ZMYM3: variants seen among roughly 807,000 people sequenced by gnomAD.
ZMYM3 encodes the protein zinc finger MYM-type protein 3.
ZMYM3 carries 6 observed loss-of-function variants against 94.2 expected under a neutral mutation model. That is an observed-to-expected ratio of 0.06 (90% CI 0.03 to 0.13). ZMYM3 has a LOEUF of 0.13. Ranked by LOEUF, ZMYM3 falls within the 10% of genes least tolerant of loss-of-function variation. ZMYM3 has a pLI of 1.00. For missense variants in ZMYM3, 664 were observed against 1,132.6 expected (o/e 0.59, Z 5.94); for synonymous variants, 420 against 426.5 (o/e 0.98, Z 0.19).
intron 13 of ZMYM3, among the ~76,000 whole-genome samples, chrX:71,246,971 T>C (rs2030207458): frequency 9.0e-6 from 1 of 110,917 alleles, no homozygotes; most frequent in Non-Finnish European, 1.9e-5. Context: ...ATCCCTGGAG[T>C]TGTGGAGGGG....
rs1437335076 is a variant in ZMYM3, at chrX:71,244,318, A to T, written c.3264T>A (p.Asp1088Glu). 1 of 1,203,540 alleles carries T rather than the reference A, an allele frequency of 8.3e-7. No individual in the cohort carries two copies. The highest frequency in any genetic ancestry group is 1.1e-6 in the Non-Finnish European group (1 of 893,545). ...AGTACTTACGGCCAAAGCGCAGCTCATCACCCTTGCTGGTTTCTCCATTGG... is the reference window on the plus strand; with the variant it reads ...AGTACTTACGGCCAAAGCGCAGCTCTTCACCCTTGCTGGTTTCTCCATTGG... ...KYANGETSKG[D>E]ELRFGPKPMR... Residue 1088 changes from aspartate to glutamate, a missense_variant, in exon 20 of 25, where the codon GAT becomes GAA. Around this residue, in one of 9 missense-constraint regions of ZMYM3, gnomAD observed 75 missense variants for 152.5 expected, o/e 0.49. Transcript: ENST00000314425.
At position 71,245,651 on chromosome X, in the gene ZMYM3, C is replaced by A. The variant is rs1569223094; in HGVS notation, c.2860+17G>T. On this transcript the variant is annotated intron_variant, in intron 17 of 24. Coordinates refer to ENST00000314425, the MANE Select transcript of ZMYM3 (RefSeq NM_201599.3). ...GGTAGCACCCTGTCTCCCTCGTCGCCACCATCTATGGCATACCACAAAGGT... is the reference window on the plus strand; with the variant it reads ...GGTAGCACCCTGTCTCCCTCGTCGCAACCATCTATGGCATACCACAAAGGT... 1 of 1,206,369 alleles carries A rather than the reference C, an allele frequency of 8.3e-7. No homozygotes were observed. Among genetic ancestry groups the A allele is most frequent in the Admixed American group, 2.2e-5 (1 of 45,730 alleles).
intron 6 of ZMYM3, 77 bp from the exon 7 acceptor site, chrX:71,249,756 C>T: frequency 8.7e-7 from 1 of 1,148,799 alleles, no homozygotes; most frequent in Non-Finnish European, 1.2e-6. Flanking sequence ...AGCCCCCCAC[C>T]TCACCCTAGA....
In ZMYM3 at chrX:71,246,103, G is replaced by A. The variant is rs1156524730; in HGVS notation, c.2573-5C>T. 8.3e-7 allele frequency: 1 copy of A among 1,201,094 alleles called. No homozygotes were observed. The highest frequency in any genetic ancestry group is 1.8e-5 in the African/African-American group (1 of 56,809). On this transcript the variant is annotated splice_polypyrimidine_tract_variant and splice_region_variant and intron_variant, in intron 15 of 24. Coordinates refer to ENST00000314425, the MANE Select transcript of ZMYM3 (RefSeq NM_201599.3). ...TCACCTGTGGCTTCCACTCTTCTGT[G>A]GATAAGAAAGGGGTCTTCTCAGAGA...
At chrX:71,249,795 C>T in intron 6 of ZMYM3, 116 bp from the exon 7 acceptor site, 1 of 1,102,810 alleles carries the variant, frequency 9.1e-7, no homozygotes, top group Non-Finnish European at 1.2e-6. Context: ...GGCCCAGGGA[C>T]CCCCCAACCT....
At chrX:71,243,630 T>G in intron 21 of ZMYM3, 199 bp downstream of exon 21, 1 of 409,417 alleles carries the variant, frequency 2.4e-6, no homozygotes, top group Non-Finnish European at 4.1e-6. Context: ...ATTAAAAAAA[T>G]ATTTTTTGGG....
intron 24 of ZMYM3, 56 bp from the exon 25 acceptor site, chrX:71,241,164 C>G: frequency 5.1e-6 from 6 of 1,187,988 alleles, no homozygotes; most frequent in Non-Finnish European, 6.8e-6. Context: ...AGATCAGTAC[C>G]AAGGCAAAGT....
Position 71,249,176 on chromosome X carries a change from G to A in ZMYM3, c.1471-7C>T. The A allele has an allele frequency of 1.7e-6, 2 of 1,210,083 alleles. No individual in the cohort carries two copies. The highest frequency in any genetic ancestry group is 1.8e-5 in the South Asian group (1 of 56,828). On this transcript the variant is annotated splice_region_variant and splice_polypyrimidine_tract_variant and intron_variant, in intron 7 of 24. Coordinates refer to ENST00000314425, the MANE Select transcript of ZMYM3 (RefSeq NM_201599.3). The stretch of plus-strand genomic sequence containing the variant: ...GGTACACACGTGTGTTTTTCTGTGA[G>A]GATGGGGAAGGAGAGGCTGAGGCTG...
chrX:71,253,563 T>TC (rs1209089360), intron 1 of ZMYM3, among the ~76,000 whole-genome samples: 1 of 48,731 alleles, frequency 2.1e-5, no homozygotes, highest in Non-Finnish European at 3.6e-5. Context: ...CCCATTCCCT[T>TC]CCCCCCTTAC....
chrX:71,247,931 G>A (rs1357291407), intron 11 of ZMYM3, 25 bp from the exon 12 acceptor site: 2 of 1,166,103 alleles, frequency 1.7e-6, no homozygotes, highest in South Asian at 3.9e-5. Context: ...AGAGGAAAGA[G>A]AGTCCAGAGA....
In ZMYM3 at chrX:71,251,294, C is replaced by A. The variant is rs770941280; in HGVS notation, c.712-50G>T. On this transcript the variant is annotated intron_variant, in intron 3 of 24. Coordinates refer to ENST00000314425, the MANE Select transcript of ZMYM3 (RefSeq NM_201599.3). ...GAGGAAAACTGACACCCTGGCCAGG[C>A]TAACACTAGTACAGGGTTTGGGGGG... 2.7e-6 allele frequency: 3 copies of A among 1,106,454 alleles called. No homozygotes were observed. The East Asian group carries it at 9.1e-5, about 34-fold the overall frequency. The allele number at this position is 1,106,454 out of a possible 1,213,427, so 91.2% of individuals were successfully genotyped here. A position where few individuals can be genotyped will look rare whatever the true frequency, so the allele number is the denominator to read the frequency against.
In ZMYM3 at chrX:71,242,560, A is replaced by G. The variant is rs1337310513; in HGVS notation, c.3548-136T>C. 8.8e-6 allele frequency: 7 copies of G among 797,938 alleles called. No individual in the cohort carries two copies. In the African/African-American group the frequency reaches 1.5e-4, roughly 17 times the overall value. 65.8% of individuals were successfully genotyped at this position (797,938 alleles called of 1,213,427 possible). On this transcript the variant is annotated intron_variant, in intron 22 of 24. Coordinates refer to ENST00000314425, the MANE Select transcript of ZMYM3 (RefSeq NM_201599.3). ...TAACCTTTGTATATAAAACACTGTC[A>G]CTTCGCTACACTTGCTACACTACAC...
In ZMYM3 at chrX:71,247,925, GA is replaced by G; in HGVS notation, c.1976-20del. ...ACACAGCCTGGAAAGAGGAGAAGAGGAAAGAGAGTCCAGAGACACAGATACC... is the reference window on the plus strand; with the variant it reads ...ACACAGCCTGGAAAGAGGAGAAGAGGAAGAGAGTCCAGAGACACAGATACC... On this transcript the variant is annotated intron_variant, in intron 11 of 24. Transcript: ENST00000314425. The G allele has an allele frequency of 8.5e-7, 1 of 1,173,163 alleles. No homozygotes were observed. The highest frequency in any genetic ancestry group is 1.1e-6 in the Non-Finnish European group (1 of 874,666).
chrX:71,252,895 G>A lies in ZMYM3; in HGVS notation c.361C>T (p.Pro121Ser). 3 of 1,210,386 alleles carry A rather than the reference G, an allele frequency of 2.5e-6. No individual in the cohort carries two copies. Among genetic ancestry groups the A allele is most frequent in the Non-Finnish European group, 3.4e-6 (3 of 894,792 alleles). ...TLEPGPGGQTPEVVPPDPGAG... is the reference protein window; with the variant it reads ...TLEPGPGGQTSEVVPPDPGAG... The stretch of plus-strand genomic sequence containing the variant: ...CCTGGATCAGGTGGTACCACCTCAG[G>A]GGTCTGGCCCCCTGGTCCAGGCTCT... The change falls in exon 2 of 25, where the codon CCT becomes TCT. Residue 121 changes from proline (P) to serine (S), a missense_variant. Physicochemically the swap from Pro to Ser is moderately conservative, Grantham distance 74. Around this residue, in one of 9 missense-constraint regions of ZMYM3, gnomAD observed 196 missense variants for 190.8 expected, o/e 1.03. Coordinates refer to ENST00000314425, the MANE Select transcript of ZMYM3 (RefSeq NM_201599.3).
Position 71,240,794 on chromosome X carries a change from G to A in ZMYM3, c.*122C>T, listed in dbSNP as rs1602355986. 6.8e-6 allele frequency: 5 copies of A among 730,358 alleles called. No homozygotes were observed. Among genetic ancestry groups the A allele is most frequent in the Middle Eastern group, 4.5e-4 (1 of 2,200 alleles). The allele number at this position is 730,358 out of a possible 1,213,427, so 60.2% of individuals were successfully genotyped here. A position where few individuals can be genotyped will look rare whatever the true frequency, so the allele number is the denominator to read the frequency against. On this transcript the variant is annotated 3_prime_UTR_variant, in exon 25 of 25. Transcript: ENST00000314425. ...CCTAGAGAAGGCAGGGAATGGGTGAGCGGAAAGGAGCAGTCAGGGCCCTTC... is the reference window on the plus strand; with the variant it reads ...CCTAGAGAAGGCAGGGAATGGGTGAACGGAAAGGAGCAGTCAGGGCCCTTC...
In ZMYM3 at chrX:71,245,762, C is replaced by G. The variant is rs755275501; in HGVS notation, c.2766G>C (p.Lys922Asn). 1 of 1,211,808 alleles carries G rather than the reference C, an allele frequency of 8.3e-7. No homozygotes were observed. ...IVETIEELKVKIPSNPLEADI... is the reference protein window; with the variant it reads ...IVETIEELKVNIPSNPLEADI... ...CGGCCTCCAAGGGGTTGGAAGGGAT[C>G]TTCACCTTCAGCTCCTCAATGGTCT... Residue 922 changes from lysine to asparagine, a missense_variant, in exon 17 of 25, where the codon AAG becomes AAC. Coordinates refer to ENST00000314425, the MANE Select transcript of ZMYM3 (RefSeq NM_201599.3).
chrX:71,250,276 A>G, intron 5 of ZMYM3, 73 bp from the exon 6 acceptor site: 1 of 1,100,998 alleles, frequency 9.1e-7, no homozygotes, highest in South Asian at 2.3e-5. Context: ...CCCCTCCTCC[A>G]GGATCAATGA....
Position 71,248,276 on chromosome X carries a change from C to T in ZMYM3, c.1861G>A (p.Glu621Lys). Residue 621 changes from glutamate to lysine, a missense_variant, in exon 11 of 25, where the codon GAG becomes AAG. Glu to Lys is a moderately conservative substitution (Grantham distance 56). Coordinates refer to ENST00000314425, the MANE Select transcript of ZMYM3 (RefSeq NM_201599.3). Reference protein sequence around the residue: ...VFQFCCRDCCEDFKRLRGVVS... With the variant: ...VFQFCCRDCCKDFKRLRGVVS... ...ACACCCCGAAGCCGCTTGAAGTCCT[C>T]ACAGCAATCACGGCAGCAGAACTGG... is the stretch of plus-strand genomic sequence containing the variant. 4 of 1,207,248 alleles carry T rather than the reference C, an allele frequency of 3.3e-6. No individual in the cohort carries two copies. The highest frequency in any genetic ancestry group is 4.5e-6 in the Non-Finnish European group (4 of 893,007).
intron 19 of ZMYM3, 140 bp downstream of exon 19, chrX:71,244,650 G>T: frequency 1.3e-6 from 1 of 778,815 alleles, no homozygotes; most frequent in Non-Finnish European, 1.8e-6. Flanking sequence ...GGAGAGCAAA[G>T]TTTGGCTTTA....
Sources: gnomAD v4.1 joint callset for allele counts (sites outside exome capture counted in the v4.1 genomes callset) on GRCh38, gnomAD v4.1.1 for gene constraint, gnomAD v4.1.1 regional missense constraint, MANE v1.5 for transcripts, NCBI Gene and HGNC (gene_info 2026-07-23, HGNC 2026-07-21) for gene names.